Variants in VSTM2B observed in about 807,000 individuals in gnomAD.
VSTM2B encodes V-set and transmembrane domain-containing protein 2B.
VSTM2B carries 24 observed loss-of-function variants against 24.0 expected under a neutral mutation model. That is an observed-to-expected ratio of 1.00 (90% CI 0.72 to 1.40). VSTM2B has a LOEUF of 1.40. Among genes scored for constraint, VSTM2B ranks in the 40% most tolerant of loss-of-function variants. The probability of loss-of-function intolerance (pLI) is 0.00; values close to 1 mark genes in which losing one functional copy is unlikely to be tolerated. For missense variants in VSTM2B, 399 were observed against 416.4 expected, an observed-to-expected ratio of 0.96 and a Z score of 0.36; for synonymous variants, 226 against 194.4, an observed-to-expected ratio of 1.16 and a Z score of -1.35.
chr19:29,529,751 G>A lies in VSTM2B; in HGVS notation c.298-68G>A. On this transcript the variant is annotated intron_variant, in intron 3 of 4. Transcript: ENST00000335523. ...GGGTGCGCGGATGAGGGGGCGCGAC[G>A]GCCAGGGTGGCCAGAAGAGTAGGTT... 3.4e-6 allele frequency: 5 copies of A among 1,464,742 alleles called. No homozygotes were observed. The South Asian group carries it at 3.8e-5, about 11-fold the overall frequency. 90.7% of individuals were successfully genotyped at this position (1,464,742 alleles called of 1,614,324 possible).
chr19:29,531,339 A>G (rs1222060436), intron 4 of VSTM2B, among the ~76,000 whole-genome samples: 1 of 152,184 alleles, frequency 6.6e-6, no homozygotes, highest in African/African-American at 2.4e-5. Flanking sequence ...GGCTTTGGGT[A>G]CAGGTGCATG....
chr19:29,533,967 AG>A (rs1204901036), intron 4 of VSTM2B, among the ~76,000 whole-genome samples: 1 of 152,248 alleles, frequency 6.6e-6, no homozygotes, highest in East Asian at 1.9e-4. Context: ...GGAGGGGTCC[AG>A]AAAGGACCGC....
intron 4 of VSTM2B, among the ~76,000 whole-genome samples, chr19:29,534,837 C>T (rs1211695658): frequency 6.6e-6 from 1 of 152,070 alleles, no homozygotes; most frequent in African/African-American, 2.4e-5. Flanking sequence ...CCCCATTAAG[C>T]GATCGTTCCT....
intron 4 of VSTM2B, among the ~76,000 whole-genome samples, chr19:29,548,117 C>A (rs1216030324): frequency 6.6e-6 from 1 of 152,120 alleles, no homozygotes. Flanking sequence ...GAGGGCACAG[C>A]AGGGAATGGC....
intron 4 of VSTM2B, among the ~76,000 whole-genome samples, chr19:29,533,264 C>T (rs1969801736): frequency 6.6e-6 from 1 of 152,216 alleles, no homozygotes; most frequent in South Asian, 2.1e-4. Context: ...GTCACTCTGC[C>T]TTCCCTGGAG....
chr19:29,563,918 T>TA lies in VSTM2B; in HGVS notation c.842_843insA (p.Leu282AlafsTer37). 6.4e-7 allele frequency: 1 copy of TA among 1,552,368 alleles called. No homozygotes were observed. On this transcript the variant is annotated frameshift_variant, in exon 5 of 5. Transcript: ENST00000335523. LOFTEE classifies it high-confidence loss of function. ...TTAGCTCTGCATAAGTTCCTGCGCC[T>TA]GCTCTTGGGACATTGACAGACAAGA...
At chr19:29,548,583 G>T (rs1438331755) in intron 4 of VSTM2B, among the ~76,000 whole-genome samples, 1 of 152,214 alleles carries the variant, frequency 6.6e-6, no homozygotes, top group African/African-American at 2.4e-5. Flanking sequence ...CTCCTTGCAA[G>T]GTGGCAGAGG....
At position 29,526,958 on chromosome 19, in the gene VSTM2B, G is replaced by T; in HGVS notation, c.83-253G>T. ...GGCTCTGGCGGTGCGGCCAGGGGCG[G>T]GGGAGAAGCACGAGTCGCCCCTGCC... On this transcript the variant is annotated intron_variant, in intron 1 of 4. Coordinates refer to ENST00000335523, the MANE Select transcript of VSTM2B (RefSeq NM_001146339.2). This position sits in a 1 kb window ranked among gnomAD's most constrained non-coding sequence, Gnocchi z 4.1. 1 of 472,596 alleles carries T rather than the reference G, an allele frequency of 2.1e-6. No homozygotes were observed. The highest frequency in any genetic ancestry group is 3.7e-6 in the Non-Finnish European group (1 of 272,290). 29.3% of individuals were successfully genotyped at this position (472,596 alleles called of 1,614,324 possible).
intron 4 of VSTM2B, among the ~76,000 whole-genome samples, chr19:29,559,379 C>T (rs140965245): frequency 0.047 from 7,127 of 152,242 alleles, 186 homozygotes; most frequent in African/African-American, 0.074. Flanking sequence ...CCAAACACCA[C>T]ATGTTGTCAT....
In VSTM2B at chr19:29,540,501, C is replaced by T. The variant is rs1012689057; in HGVS notation, c.769+10211C>T. On this transcript the variant is annotated intron_variant, in intron 4 of 4. Transcript: ENST00000335523. ...GCACCTAGATGTGCCTTGCTGCTGC[C>T]TCAGGGCTCCCAGCAGTTCTTTCCC... Among the ~76,000 whole-genome samples the T allele has an allele frequency of 2.0e-5, 3 of 152,354 alleles. No homozygotes were observed. The East Asian group carries it at 5.8e-4, about 29-fold the overall frequency.
Position 29,529,924 on chromosome 19 carries a change from G to A in VSTM2B, c.403G>A (p.Asp135Asn), listed in dbSNP as rs1969692420. The A allele has an allele frequency of 1.9e-6, 3 of 1,550,144 alleles. No individual in the cohort carries two copies. The highest frequency in any genetic ancestry group is 3.3e-4 in the Middle Eastern group (2 of 5,990). Residue 135 changes from aspartate (D) to asparagine (N), a missense_variant, in exon 4 of 5, where the codon GAC (aspartate) becomes AAC (asparagine). By Grantham distance (23) the Asp-to-Asn change is conservative. Transcript: ENST00000335523. The part of the protein sequence containing the change: ...YECRVSDYSD[D>N]DTQEHKAQAM... The stretch of plus-strand genomic sequence containing the variant: ...GTGCCGCGTGTCGGACTACAGCGAC[G>A]ACGACACGCAGGAGCACAAGGCCCA...
intron 3 of VSTM2B, chr19:29,528,825 C>G: frequency 1.2e-6 from 1 of 862,230 alleles, no homozygotes; most frequent in Non-Finnish European, 1.4e-6. Flanking sequence ...GCCCTCGCCG[C>G]GACCGTGGCG....
At position 29,558,659 on chromosome 19, in the gene VSTM2B, A is replaced by C. The variant is rs142932566; in HGVS notation, c.770-5187A>C. On this transcript the variant is annotated intron_variant, in intron 4 of 4. Coordinates refer to ENST00000335523, the MANE Select transcript of VSTM2B (RefSeq NM_001146339.2). Reference sequence around the variant, plus strand: ...ATTATTAATAAGTAGCAGCTGAACAATGAGAACACATGAACACAGGGAGAG... The same window carrying C: ...ATTATTAATAAGTAGCAGCTGAACACTGAGAACACATGAACACAGGGAGAG... Among the ~76,000 whole-genome samples, 1,033 of 152,348 alleles carry C rather than the reference A, an allele frequency of 6.8e-3. 8 individuals carry two copies. Among genetic ancestry groups the C allele is most frequent in the Middle Eastern group, 0.02 (6 of 294 alleles).
intron 4 of VSTM2B, among the ~76,000 whole-genome samples, chr19:29,546,556 T>G (rs1407129231): frequency 3.9e-5 from 6 of 152,212 alleles, no homozygotes; most frequent in Non-Finnish European, 7.4e-5. Flanking sequence ...GAGAATTGTG[T>G]GCCTTTTTAC....
At chr19:29,528,163 C>T (rs1969634079) in intron 2 of VSTM2B, among the ~76,000 whole-genome samples, 1 of 152,196 alleles carries the variant, frequency 6.6e-6, no homozygotes, top group African/African-American at 2.4e-5. Context: ...TTCCTTCCCA[C>T]CCTGGTGTCC....
At chr19:29,528,961 G>C in intron 3 of VSTM2B, 1 of 985,450 alleles carries the variant, frequency 1.0e-6, no homozygotes, top group Non-Finnish European at 1.2e-6. Flanking sequence ...GGACGGGGTA[G>C]GGGGTGGTTG....
At chr19:29,539,684 C>T (rs1236646752) in intron 4 of VSTM2B, among the ~76,000 whole-genome samples, 2 of 152,270 alleles carry the variant, frequency 1.3e-5, no homozygotes, top group Admixed American at 1.3e-4. Context: ...TCCACCCCAG[C>T]TTCCCTTTCC....
rs140218598 is a variant in VSTM2B, at chr19:29,546,307, G to A, written c.769+16017G>A. Among the ~76,000 whole-genome samples, 36 of 152,228 alleles carry A rather than the reference G, an allele frequency of 2.4e-4. No homozygotes were observed. The East Asian group carries it at 5.2e-3, about 22-fold the overall frequency. The stretch of plus-strand genomic sequence containing the variant: ...AAAGGAGTGTGGAGACAGGCAAGGC[G>A]GCACTGTCCACTGGGTGAAAGGGCT... On this transcript the variant is annotated intron_variant, in intron 4 of 4. Transcript: ENST00000335523.
At chr19:29,540,390 G>A (rs1599886419) in intron 4 of VSTM2B, among the ~76,000 whole-genome samples, 1 of 152,242 alleles carries the variant, frequency 6.6e-6, no homozygotes, top group East Asian at 1.9e-4. Flanking sequence ...TAGTTGGGAA[G>A]AACTCAGAAA....
Sources: allele counts gnomAD v4.1 joint callset (sites outside exome capture counted in the v4.1 genomes callset), GRCh38; gene constraint gnomAD v4.1.1; non-coding constraint Gnocchi (gnomAD v3.1); transcripts MANE v1.5; gene names NCBI Gene and HGNC (gene_info 2026-07-23, HGNC 2026-07-21).